ST6GALNAC1: variants seen among roughly 807,000 people sequenced by gnomAD.
ST6GALNAC1 encodes the protein ST6 N-acetylgalactosaminide alpha-2,6-sialyltransferase 1.
A neutral mutation model predicts 56.8 loss-of-function variants in ST6GALNAC1; 45 were observed. The observed-to-expected ratio is 0.79, with a 90% CI of 0.62 to 1.02. The LOEUF is 1.02. ST6GALNAC1 is among the 50% of genes least tolerant of loss of function. The pLI is 0.00. For synonymous variants in ST6GALNAC1, 295 were observed against 297.8 expected (o/e 0.99, Z 0.10); for missense variants, 743 against 754.8 (o/e 0.98, Z 0.18).
chr17:76,626,219 C>G (rs2075795764), intron 6 of ST6GALNAC1, 70 bp downstream of exon 6: 11 of 1,574,364 alleles, frequency 7.0e-6, no homozygotes, highest in African/African-American at 1.3e-5. Context: ...CCCCACCTGT[C>G]CAACCCTTTA....
intron 1 of ST6GALNAC1, among the ~76,000 whole-genome samples, chr17:76,630,720 G>A (rs1377232918): frequency 6.6e-6 from 1 of 151,198 alleles, no homozygotes; most frequent in Middle Eastern, 3.2e-3. Context: ...CGAGTAGCTG[G>A]GATTACAGCG....
intron 1 of ST6GALNAC1, among the ~76,000 whole-genome samples, chr17:76,638,730 G>A (rs930798383): frequency 2.6e-5 from 4 of 151,990 alleles, no homozygotes; most frequent in Admixed American, 2.6e-4. Flanking sequence ...TACAGGCACC[G>A]GACCATGCCC....
chr17:76,626,515 A>T, intron 5 of ST6GALNAC1, 123 bp from the exon 6 acceptor site: 1 of 1,497,452 alleles, frequency 6.7e-7, no homozygotes, highest in Non-Finnish European at 9.2e-7. Flanking sequence ...TGTCCTCCCC[A>T]CTCCTGCCCT....
downstream of ST6GALNAC1, among the ~76,000 whole-genome samples, chr17:76,624,045 G>A (rs963452555): frequency 1.3e-5 from 2 of 152,108 alleles, no homozygotes; most frequent in Non-Finnish European, 1.5e-5. Context: ...AGGACAGGGC[G>A]CCGCGAGCAG....
chr17:76,622,711 T>C (rs114893364), downstream of ST6GALNAC1, among the ~76,000 whole-genome samples: 719 of 152,322 alleles, frequency 4.7e-3, 9 homozygotes, highest in African/African-American at 0.017. Context: ...GTATTGCCTT[T>C]GGATTGTGAG....
chr17:76,631,274 T>C (rs1022303822), intron 1 of ST6GALNAC1, among the ~76,000 whole-genome samples: 1 of 152,144 alleles, frequency 6.6e-6, no homozygotes, highest in Non-Finnish European at 1.5e-5. Context: ...TGGACTTGCA[T>C]AGAAAATGCC....
intron 1 of ST6GALNAC1, among the ~76,000 whole-genome samples, chr17:76,640,078 G>A (rs533901896): frequency 3.9e-5 from 6 of 152,204 alleles, no homozygotes; most frequent in Middle Eastern, 3.4e-3. Flanking sequence ...GAGAATCCCC[G>A]CAGGAGGGTC....
At chr17:76,619,935 G>A (rs573309144), downstream of ST6GALNAC1, among the ~76,000 whole-genome samples, 190 of 151,934 alleles carry the variant, frequency 1.3e-3, 1 homozygote, top group Middle Eastern at 3.4e-3. Flanking sequence ...GTAGTGACAG[G>A]GTTTCACCAT....
chr17:76,638,563 T>A (rs1418516193), intron 1 of ST6GALNAC1, among the ~76,000 whole-genome samples: 1 of 151,830 alleles, frequency 6.6e-6, no homozygotes, highest in African/African-American at 2.4e-5. Context: ...TGGCTAACTT[T>A]TGTATTTTTA....
chr17:76,641,587 C>G (rs1038746376), intron 1 of ST6GALNAC1, among the ~76,000 whole-genome samples: 3 of 152,162 alleles, frequency 2.0e-5, no homozygotes, highest in Non-Finnish European at 4.4e-5. Flanking sequence ...GACTTCAAAA[C>G]CCTAATGAAA....
chr17:76,635,469 G>T (rs2075962700), intron 1 of ST6GALNAC1, among the ~76,000 whole-genome samples: 2 of 152,024 alleles, frequency 1.3e-5, no homozygotes, highest in Admixed American at 6.6e-5. Flanking sequence ...GCGAAACCCT[G>T]TCTCTACTAA....
At chr17:76,640,917 T>TGTGTAAGCAAAAACTCAG (rs2076040353) in intron 1 of ST6GALNAC1, among the ~76,000 whole-genome samples, 1 of 152,166 alleles carries the variant, frequency 6.6e-6, no homozygotes, top group South Asian at 2.1e-4. Context: ...AACTCAGATG[T>TGTGTAAGCAAAAACTCAG]ATGTAAAAAA....
intron 5 of ST6GALNAC1, 114 bp from the exon 6 acceptor site, chr17:76,626,506 G>C: frequency 2.0e-6 from 3 of 1,497,658 alleles, no homozygotes; most frequent in African/African-American, 1.4e-5. Context: ...TGGTCTGACT[G>C]TCCTCCCCAC....
chr17:76,621,866 G>A (rs1254788216), downstream of ST6GALNAC1, among the ~76,000 whole-genome samples: 1 of 151,724 alleles, frequency 6.6e-6, no homozygotes, highest in Non-Finnish European at 1.5e-5. Flanking sequence ...ACCTTTACTG[G>A]TTCAGGGTGC....
chr17:76,642,910 GAGACTCCGTCTCAAAAA>G (rs2076066680), intron 1 of ST6GALNAC1, among the ~76,000 whole-genome samples: 1 of 132,926 alleles, frequency 7.5e-6, no homozygotes, highest in Non-Finnish European at 1.6e-5. Flanking sequence ...GCAGCAGAGT[GAGACTCCGTCTCAAAAA>G]AAAAAAAAAA....
intron 1 of ST6GALNAC1, chr17:76,637,351 T>TAA (rs201789498): frequency 8.9e-5 from 11 of 123,352 alleles, no homozygotes; most frequent in African/African-American, 1.6e-4. Context: ...AGATGTGAAT[T>TAA]AAAAAAAAAA....
chr17:76,627,321 C>T lies in ST6GALNAC1; in HGVS notation c.1001-83G>A, dbSNP rs1156437529. On this transcript the variant is annotated intron_variant, in intron 3 of 8. Coordinates refer to ENST00000156626, the MANE Select transcript of ST6GALNAC1 (RefSeq NM_018414.5). This position sits in a 1 kb window ranked among gnomAD's most constrained non-coding sequence, Gnocchi z 4.4. ...CATCATTCCTCCCAGGTCTGGCAAA[C>T]CCCAGGGAAGAGGCAGACCAGAAAG... The T allele has an allele frequency of 1.3e-6, 2 of 1,571,854 alleles. No individual in the cohort carries two copies. The highest frequency in any genetic ancestry group is 2.2e-5 in the East Asian group (1 of 44,556).
At chr17:76,639,066 C>T (rs115415276) in intron 1 of ST6GALNAC1, among the ~76,000 whole-genome samples, 3,500 of 152,268 alleles carry the variant, frequency 0.023, 57 homozygotes, top group South Asian at 0.06. Flanking sequence ...CACGTTCCCC[C>T]GATCATCCAT....
rs1447767261 is a variant in ST6GALNAC1 at position 76,624,805 on chromosome 17, A to C, written c.*525T>G. ...ATTTGCCTTTCCATGGACAACAATC[A>C]TTTGTATTATTATCAGTTTTCTACA... is the stretch of plus-strand genomic sequence containing the variant. On this transcript the variant is annotated 3_prime_UTR_variant, in exon 9 of 9. Coordinates refer to ENST00000156626, the MANE Select transcript of ST6GALNAC1 (RefSeq NM_018414.5). The C allele has an allele frequency of 6.5e-6, 1 of 153,750 alleles. No homozygotes were observed. The highest frequency in any genetic ancestry group is 6.5e-5 in the Admixed American group (1 of 15,492). 9.5% of individuals were successfully genotyped at this position (153,750 alleles called of 1,614,324 possible).
Sources: gnomAD v4.1 joint callset for allele counts (sites outside exome capture counted in the v4.1 genomes callset) on GRCh38, gnomAD v4.1.1 for gene constraint, Gnocchi (gnomAD v3.1) non-coding constraint, MANE v1.5 for transcripts, NCBI Gene and HGNC (gene_info 2026-07-23, HGNC 2026-07-21) for gene names.